The following MCF2L variants were observed in gnomAD, a reference collection of about 807,000 sequenced individuals.
MCF2L encodes the protein MCF.2 cell line derived transforming sequence like, also known as guanine nucleotide exchange factor DBS.
Under a neutral mutation model 153.4 loss-of-function variants are expected in MCF2L, and 97 were observed. That is an observed-to-expected ratio of 0.63 (90% CI 0.54 to 0.75). The LOEUF (loss-of-function observed/expected upper bound fraction) is 0.75, where lower values mean the gene tolerates loss of function less well. MCF2L is among the 30% of genes least tolerant of loss of function. MCF2L has a pLI of 0.00. For missense variants in MCF2L, 1,347 were observed against 1,495.2 expected (o/e 0.90, Z 1.64); for synonymous variants, 659 against 632.2 (o/e 1.04, Z -0.64).
At chr13:113,094,481 G>A (rs947480995) in intron 26 of MCF2L, 33 bp from the exon 27 acceptor site, 496 of 1,584,456 alleles carry the variant, frequency 3.1e-4, no homozygotes, top group Non-Finnish European at 4.1e-4. Flanking sequence ...GCTCATCACC[G>A]GGGGGTCCCT....
At chr13:113,005,126 C>G (rs1173026564) in intron 1 of MCF2L, among the ~76,000 whole-genome samples, 1 of 152,196 alleles carries the variant, frequency 6.6e-6, no homozygotes, top group South Asian at 2.1e-4. Flanking sequence ...ATGTGGGGCA[C>G]ACACAATAGA....
chr13:112,916,918 AT>A (rs2081298330), intron 2 of MCF2L, among the ~76,000 whole-genome samples: 1 of 151,698 alleles, frequency 6.6e-6, no homozygotes, highest in African/African-American at 2.4e-5. Flanking sequence ...TCTGCACCAC[AT>A]CCCTGCCTTC....
At chr13:113,001,713 C>A in intron 1 of MCF2L, 4 of 1,360,350 alleles carry the variant, frequency 2.9e-6, no homozygotes, top group Middle Eastern at 2.7e-4. Flanking sequence ...GCTCCTTAAT[C>A]AGGGACATCG....
intron 1 of MCF2L, among the ~76,000 whole-genome samples, chr13:112,977,138 G>A (rs1490971191): frequency 2.0e-5 from 3 of 152,168 alleles, no homozygotes; most frequent in African/African-American, 7.2e-5. Context: ...CCTACTCCAC[G>A]ACTAATGGAG....
upstream of MCF2L, chr13:112,968,527 T>C: frequency 1.3e-6 from 2 of 1,567,002 alleles, no homozygotes; most frequent in Non-Finnish European, 1.7e-6. Flanking sequence ...CCTGCGTCCT[T>C]GGGCAGGCGA....
At chr13:112,964,158 G>A (rs1254060580) in intron 2 of MCF2L, among the ~76,000 whole-genome samples, 1 of 152,194 alleles carries the variant, frequency 6.6e-6, no homozygotes, top group Non-Finnish European at 1.5e-5. Flanking sequence ...ACCTCGGATG[G>A]CCCCTGCCCA....
intron 26 of MCF2L, among the ~76,000 whole-genome samples, chr13:113,093,120 G>A (rs1356798875): frequency 6.6e-6 from 1 of 152,246 alleles, no homozygotes; most frequent in Non-Finnish European, 1.5e-5. Flanking sequence ...TGGACGGGGA[G>A]GGCACGCTGG....
intron 2 of MCF2L, among the ~76,000 whole-genome samples, chr13:112,906,082 A>ACATTGATG: frequency 6.6e-6 from 1 of 152,264 alleles, no homozygotes; most frequent in African/African-American, 2.4e-5. Flanking sequence ...TGCTGGGTAA[A>ACATTGATG]CATTGATGAG....
At chr13:113,007,894 A>G (rs74241901) in intron 1 of MCF2L, among the ~76,000 whole-genome samples, 2 of 136,546 alleles carry the variant, frequency 1.5e-5, no homozygotes, top group African/African-American at 5.3e-5. Flanking sequence ...ATGGGTTTTT[A>G]GTATGTGTAT....
chr13:112,944,787 A>C (rs538644033), intron 2 of MCF2L, among the ~76,000 whole-genome samples: 2 of 152,028 alleles, frequency 1.3e-5, no homozygotes, highest in African/African-American at 4.8e-5. Flanking sequence ...CGCCCGGCCA[A>C]ACCTGAACTT....
At chr13:112,936,626 G>A (rs1038595188) in intron 2 of MCF2L, among the ~76,000 whole-genome samples, 1 of 152,162 alleles carries the variant, frequency 6.6e-6, no homozygotes, top group Admixed American at 6.5e-5. Context: ...GCTGGTAAAA[G>A]ATCTTTCCCT....
intron 4 of MCF2L, among the ~76,000 whole-genome samples, chr13:113,050,882 G>A (rs1205316388): frequency 6.6e-6 from 1 of 152,028 alleles, no homozygotes; most frequent in Non-Finnish European, 1.5e-5. Context: ...CAGATGGAGG[G>A]GGGCGAGGAG....
At chr13:113,034,611 T>C (rs2086022902) in intron 3 of MCF2L, among the ~76,000 whole-genome samples, 1 of 149,202 alleles carries the variant, frequency 6.7e-6, no homozygotes, top group African/African-American at 2.5e-5. Flanking sequence ...GCCCTCACCC[T>C]GGTCTCACCC....
At chr13:112,902,147 A>T in intron 1 of MCF2L, 3 of 1,484,558 alleles carry the variant, frequency 2.0e-6, no homozygotes, top group Non-Finnish European at 2.8e-6. Context: ...AACAGTTCTT[A>T]AGTCTTTCTG....
In MCF2L at chr13:113,056,552, A is replaced by G. The variant is rs1220953348; in HGVS notation, c.370-4041A>G. Among the ~76,000 whole-genome samples the G allele has an allele frequency of 3.7e-3, 344 of 92,464 alleles. 2 individuals carry two copies. Among genetic ancestry groups the G allele is most frequent in the Admixed American group, 7.1e-3 (55 of 7,800 alleles). The allele number at this position is 92,464 out of a possible 152,430, so 60.7% of individuals were successfully genotyped here. On this transcript the variant is annotated intron_variant, in intron 4 of 29. Transcript: ENST00000535094. ...CTGTGTGTTTGGGTGCTGAGTGGGC[A>G]CTGAGTGGGCGCTGAGTGTTTGCGT... is the stretch of plus-strand genomic sequence containing the variant.
Position 113,074,531 on chromosome 13 carries a change from A to AG in MCF2L, c.1087dup (p.Asp363GlyfsTer49). 1 of 1,614,056 alleles carries AG rather than the reference A, an allele frequency of 6.2e-7. No homozygotes were observed. The highest frequency in any genetic ancestry group is 8.5e-7 in the Non-Finnish European group (1 of 1,180,004). ...CCTGGCGCATGTGGAGCACCTGCTG[A>AG]GGGACCTGGCCAGCTTCGAGGAGAA... On this transcript the variant is annotated frameshift_variant, in exon 10 of 30. Transcript: ENST00000535094. LOFTEE classifies it high-confidence loss of function. The surrounding 1 kb of genome is among the most constrained non-coding windows in gnomAD (Gnocchi z 4.2).
chr13:113,065,720 G>A (rs991389644), intron 7 of MCF2L, among the ~76,000 whole-genome samples: 3 of 152,174 alleles, frequency 2.0e-5, no homozygotes, highest in African/African-American at 4.8e-5. Flanking sequence ...TGTGCTCACC[G>A]GGCCGCTCCA....
chr13:113,089,855 C>T, intron 26 of MCF2L, 127 bp downstream of exon 26: 2 of 1,612,748 alleles, frequency 1.2e-6, no homozygotes, highest in Non-Finnish European at 1.7e-6. Flanking sequence ...ATTCAGGGCC[C>T]CTTGCTCCCC....
At chr13:112,945,379 G>A (rs1357371552) in intron 2 of MCF2L, among the ~76,000 whole-genome samples, 1 of 152,226 alleles carries the variant, frequency 6.6e-6, no homozygotes, top group Non-Finnish European at 1.5e-5. Context: ...AAGTGGGGCA[G>A]AGGGGGAGTA....
Sources: gnomAD v4.1 joint callset for allele counts (sites outside exome capture counted in the v4.1 genomes callset) on GRCh38, gnomAD v4.1.1 for gene constraint, Gnocchi (gnomAD v3.1) non-coding constraint, MANE v1.5 for transcripts, NCBI Gene and HGNC (gene_info 2026-07-23, HGNC 2026-07-21) for gene names.